The following BARD1 variants were observed in gnomAD, a reference collection of about 807,000 sequenced individuals.
BARD1 encodes the protein BRCA1 associated RING domain 1, also known as BRCA1-associated RING domain protein 1.
Under a neutral mutation model 77.0 loss-of-function variants are expected in BARD1, and 73 were observed. The observed-to-expected ratio is 0.95, with a 90% CI of 0.79 to 1.15. The LOEUF (loss-of-function observed/expected upper bound fraction) is 1.15. Among genes scored for constraint, BARD1 ranks in the 50% most tolerant of loss-of-function variants. The probability of loss-of-function intolerance (pLI) is 0.00; values close to 1 mark genes in which losing one functional copy is unlikely to be tolerated. For missense variants in BARD1, 993 were observed against 938.8 expected, an observed-to-expected ratio of 1.06 and a Z score of -0.75; for synonymous variants, 384 against 338.0, an observed-to-expected ratio of 1.14 and a Z score of -1.49.
intron 9 of BARD1, among the ~76,000 whole-genome samples, chr2:214,733,175 C>T (rs1692430202): frequency 6.6e-6 from 1 of 152,016 alleles, no homozygotes; most frequent in African/African-American, 2.4e-5. Context: ...CAGACTTCCA[C>T]TTCGGCGCTC....
chr2:214,740,414 A>G (rs1692768250), intron 9 of BARD1, among the ~76,000 whole-genome samples: 1 of 152,042 alleles, frequency 6.6e-6, no homozygotes, highest in Non-Finnish European at 1.5e-5. Context: ...ATTTATTCCT[A>G]GAGAACTTAA....
At chr2:214,789,922 C>G (rs530393405) in intron 3 of BARD1, among the ~76,000 whole-genome samples, 1 of 152,160 alleles carries the variant, frequency 6.6e-6, no homozygotes, top group South Asian at 2.1e-4. Flanking sequence ...CATAAAATGG[C>G]CTTTGGGAAA....
chr2:214,742,521 T>C (rs1001660076), intron 9 of BARD1, among the ~76,000 whole-genome samples: 1 of 152,234 alleles, frequency 6.6e-6, no homozygotes, highest in Non-Finnish European at 1.5e-5. Flanking sequence ...AATATGACGA[T>C]ATGAACTTCA....
rs755369095 is a variant in BARD1, at chr2:214,728,755, T to C, written c.2255A>G (p.Gln752Arg). The stretch of plus-strand genomic sequence containing the variant: ...CGAAGGAGCCTTCCAGACTTTGCCC[T>C]GCCGAACCCTCTCTGGGTGATAATT... ...LCNYHPERVR[Q>R]GKVWKAPSSW... The change falls in exon 11 of 11, where the codon CAG (glutamine) becomes CGG (arginine). Residue 752 changes from glutamine to arginine, a missense_variant. Transcript: ENST00000260947. The C allele has an allele frequency of 1.2e-6, 2 of 1,614,218 alleles. No individual in the cohort carries two copies. Among genetic ancestry groups the C allele is most frequent in the Non-Finnish European group, 1.7e-6 (2 of 1,180,042 alleles).
At chr2:214,754,445 A>G (rs1693602969) in intron 6 of BARD1, among the ~76,000 whole-genome samples, 1 of 152,138 alleles carries the variant, frequency 6.6e-6, no homozygotes, top group South Asian at 2.1e-4. Context: ...TAAGAGCCCA[A>G]TCAAGTGCAC....
At chr2:214,809,215 G>A (rs745541986) in intron 1 of BARD1, among the ~76,000 whole-genome samples, 197 bp downstream of exon 1, 29 of 152,224 alleles carry the variant, frequency 1.9e-4, no homozygotes, top group Non-Finnish European at 3.8e-4. Context: ...GGGGAGGCCG[G>A]TAAGTCGCCC....
At chr2:214,804,781 C>T (rs191000037) in intron 1 of BARD1, among the ~76,000 whole-genome samples, 35 of 152,290 alleles carry the variant, frequency 2.3e-4, no homozygotes, top group Non-Finnish European at 3.7e-4. Context: ...ACCCAGTCCC[C>T]CTTTACCCTA....
intron 6 of BARD1, among the ~76,000 whole-genome samples, chr2:214,762,181 C>T (rs1426568549): frequency 6.6e-6 from 1 of 152,124 alleles, no homozygotes; most frequent in Non-Finnish European, 1.5e-5. Context: ...CATTTTAATG[C>T]ATAAAATTGT....
intron 3 of BARD1, among the ~76,000 whole-genome samples, chr2:214,786,021 T>C (rs969404924): frequency 1.3e-5 from 2 of 151,968 alleles, no homozygotes; most frequent in Admixed American, 1.3e-4. Context: ...AAAAGAACTC[T>C]GCATAAAACT....
At position 214,780,819 on chromosome 2, in the gene BARD1, A is replaced by G. The variant is rs773918507; in HGVS notation, c.1055T>C (p.Val352Ala). The stretch of plus-strand genomic sequence containing the variant: ...AGGCAATGGTATATTTTCTGAGGGC[A>G]CCGTTTGCTTAACAAAATCTCCACT... ...STSGDFVKQT[V>A]PSENIPLPEC... The change falls in exon 4 of 11, where the codon GTG (valine) becomes GCG (alanine). Residue 352 changes from valine to alanine, a missense_variant. Val to Ala is a moderately conservative substitution (Grantham distance 64). Coordinates refer to ENST00000260947, the MANE Select transcript of BARD1 (RefSeq NM_000465.4). The G allele has an allele frequency of 5.6e-5, 90 of 1,613,978 alleles. No individual in the cohort carries two copies. The highest frequency in any genetic ancestry group is 7.3e-5 in the Non-Finnish European group (86 of 1,179,998).
chr2:214,809,470 A>AG lies in BARD1; in HGVS notation c.99dup (p.Trp34LeufsTer22). The AG allele has an allele frequency of 6.2e-7, 1 of 1,610,494 alleles. No individual in the cohort carries two copies. Among genetic ancestry groups the AG allele is most frequent in the Non-Finnish European group, 8.5e-7 (1 of 1,179,340 alleles). ...TCGAGCGCGGCGCGACTGTGGGCCC[A>AG]GGCACCGCGACCATCCGGTTCCATG... On this transcript the variant is annotated frameshift_variant, in exon 1 of 11. Transcript: ENST00000260947. LOFTEE classifies it high-confidence loss of function.
chr2:214,780,792 T>C lies in BARD1; in HGVS notation c.1082A>G (p.Glu361Gly). ...TVPSENIPLP[E>G]CSSPPSCKRK... is the part of the protein sequence containing the mutation. ...TTTGCATGAAGGTGGTGAAGAACAT[T>C]CAGGCAATGGTATATTTTCTGAGGG... The change falls in exon 4 of 11, where the codon GAA becomes GGA. Residue 361 changes from glutamate (E) to glycine (G), a missense_variant. By Grantham distance (98) the Glu-to-Gly change is moderately conservative. Coordinates refer to ENST00000260947, the MANE Select transcript of BARD1 (RefSeq NM_000465.4). The C allele has an allele frequency of 6.5e-7, 1 of 1,541,490 alleles. No individual in the cohort carries two copies. The highest frequency in any genetic ancestry group is 8.8e-7 in the Non-Finnish European group (1 of 1,139,892).
chr2:214,730,773 C>T, intron 9 of BARD1: 1 of 488,230 alleles, frequency 2.0e-6, no homozygotes, highest in South Asian at 2.0e-5. Flanking sequence ...TAATTTTAAT[C>T]TCCTTTCTGA....
intron 2 of BARD1, chr2:214,796,675 C>T: frequency 4.8e-6 from 1 of 207,840 alleles, no homozygotes; most frequent in Non-Finnish European, 9.8e-6. Context: ...GTTTTTGGTT[C>T]TTTGTTATGG....
intron 7 of BARD1, among the ~76,000 whole-genome samples, chr2:214,749,527 C>G (rs1261148341): frequency 1.3e-5 from 2 of 152,106 alleles, no homozygotes; most frequent in African/African-American, 2.4e-5. Context: ...AAGGCACTGC[C>G]ACCCCCAGAC....
intron 5 of BARD1, among the ~76,000 whole-genome samples, chr2:214,768,308 C>A (rs1694311823): frequency 6.6e-6 from 1 of 152,108 alleles, no homozygotes; most frequent in African/African-American, 2.4e-5. Context: ...ACATCAATTT[C>A]AATTCATAAT....
chr2:214,756,472 T>C (rs772199812), intron 6 of BARD1, among the ~76,000 whole-genome samples: 77 of 152,344 alleles, frequency 5.1e-4, no homozygotes, highest in Non-Finnish European at 1.0e-3. Context: ...GCAATCCCAC[T>C]ACTGGGTGTC....
intron 6 of BARD1, among the ~76,000 whole-genome samples, chr2:214,757,263 AAC>A (rs1329247590): frequency 6.6e-6 from 1 of 152,006 alleles, no homozygotes; most frequent in East Asian, 1.9e-4. Flanking sequence ...GTTCCTTGAC[AAC>A]ACAGTACACT....
intron 3 of BARD1, among the ~76,000 whole-genome samples, chr2:214,786,854 T>A (rs1391197251): frequency 3.9e-5 from 6 of 151,992 alleles, no homozygotes; most frequent in African/African-American, 1.4e-4. Context: ...AGTATCAGAA[T>A]GACGTATCCA....
Sources: gnomAD v4.1 joint callset for allele counts (sites outside exome capture counted in the v4.1 genomes callset) on GRCh38, gnomAD v4.1.1 for gene constraint, MANE v1.5 for transcripts, NCBI Gene and HGNC (gene_info 2026-07-23, HGNC 2026-07-21) for gene names.